JAG2: variants seen among roughly 807,000 people sequenced by gnomAD.
JAG2 encodes jagged canonical Notch ligand 2.
A neutral mutation model predicts 141.7 loss-of-function variants in JAG2; 46 were observed. The ratio of observed to expected loss-of-function variants is 0.32; its 90% CI spans 0.26 to 0.42. The LOEUF (loss-of-function observed/expected upper bound fraction) is 0.42. JAG2 is among the 10% of genes least tolerant of loss of function. JAG2 has a pLI of 1.00. For synonymous variants in JAG2, 862 were observed against 763.5 expected, an observed-to-expected ratio of 1.13 and a Z score of -2.13; for missense variants, 1,500 against 1,817.5, an observed-to-expected ratio of 0.83 and a Z score of 3.18.
In JAG2 at chr14:105,143,602, GGCT is replaced by G; in HGVS notation, c.3118_3120del (p.Ser1040del). 1 of 1,608,414 alleles carries G rather than the reference GGCT, an allele frequency of 6.2e-7. No homozygotes were observed. Among genetic ancestry groups the G allele is most frequent in the Non-Finnish European group, 8.5e-7 (1 of 1,179,616 alleles). On this transcript the variant is annotated inframe_deletion, in exon 25 of 26. Transcript: ENST00000331782. Reference sequence around the variant, plus strand: ...ATGGCGTGGGCCGCGCCCTGGATCAGGCTGCTGTCAGGCAGGTCCCTGGCAGGG... The same window carrying G: ...ATGGCGTGGGCCGCGCCCTGGATCAGGCTGTCAGGCAGGTCCCTGGCAGGG...
At position 105,145,949 on chromosome 14, in the gene JAG2, G is replaced by A; in HGVS notation, c.2734C>T (p.Leu912=). 3 of 1,589,364 alleles carry A rather than the reference G, an allele frequency of 1.9e-6. No individual in the cohort carries two copies. The highest frequency in any genetic ancestry group is 2.6e-6 in the Non-Finnish European group (3 of 1,169,654). The part of the protein sequence containing the change: ...SKVWCGWKPC[L]LAGQPEALSA... ...AGGGCCTCGGGCTGGCCGGCCAGCA[G>A]ACAAGGCTTCCATCCGCACCACACC... Residue 912 remains leucine (L), a synonymous_variant, in exon 23 of 26, where the codon CTG becomes TTG. Transcript: ENST00000331782.
chr14:105,150,560 C>A, intron 12 of JAG2, 44 bp downstream of exon 12: 1 of 1,526,320 alleles, frequency 6.6e-7, no homozygotes, highest in South Asian at 1.2e-5. Context: ...TGCCCTACAG[C>A]TCCCAGAGCA....
chr14:105,151,015 A>G lies in JAG2; in HGVS notation c.1357T>C (p.Trp453Arg). The change falls in exon 10 of 26, where the codon TGG becomes CGG. Residue 453 changes from tryptophan (W) to arginine (R), a missense_variant. Physicochemically the swap from Trp to Arg is moderately radical, Grantham distance 101. Coordinates refer to ENST00000331782, the MANE Select transcript of JAG2 (RefSeq NM_002226.5). Reference protein sequence around the residue: ...GGYYCDCIPGWKGINCHINVN... With the variant: ...GGYYCDCIPGRKGINCHINVN... ...CTGATATGGCAGTTGATGCCCTTCC[A>G]GCCCGGGATGCAATCACAGTAATAG... The G allele has an allele frequency of 6.2e-7, 1 of 1,612,742 alleles. No individual in the cohort carries two copies. Among genetic ancestry groups the G allele is most frequent in the Admixed American group, 1.7e-5 (1 of 60,000 alleles).
chr14:105,165,579 G>C (rs1888884457), intron 2 of JAG2, among the ~76,000 whole-genome samples: 1 of 152,222 alleles, frequency 6.6e-6, no homozygotes, highest in Admixed American at 6.5e-5. Context: ...ATGACTAATA[G>C]CACACAGACC....
intron 7 of JAG2, 41 bp downstream of exon 7, chr14:105,151,897 C>T (rs1219495693): frequency 6.2e-7 from 1 of 1,612,192 alleles, no homozygotes; most frequent in African/African-American, 1.3e-5. Flanking sequence ...GGGAACCAGT[C>T]CCTGCCTGGC....
intron 3 of JAG2, among the ~76,000 whole-genome samples, 193 bp from the exon 4 acceptor site, chr14:105,156,182 C>T (rs1029399162): frequency 7.6e-6 from 1 of 130,972 alleles, no homozygotes; most frequent in Non-Finnish European, 1.7e-5. Context: ...CTCTCCCTCC[C>T]GCCACCAAGC....
chr14:105,145,845 C>G lies in JAG2; in HGVS notation c.2838G>C (p.Trp946Cys). 1.3e-6 allele frequency: 2 copies of G among 1,562,004 alleles called. No individual in the cohort carries two copies. Among genetic ancestry groups the G allele is most frequent in the Non-Finnish European group, 8.7e-7 (1 of 1,153,844 alleles). ...GTGGCTCTTCTGCGCCGCACTCCCC[C>G]CAGGCCTCACAGGGTGGTCGCAGAC... ...GQCLRPPCEA[W>C]GECGAEEPPS... is the part of the protein sequence containing the mutation. Residue 946 changes from tryptophan (W) to cysteine (C), a missense_variant, in exon 23 of 26, where the codon TGG becomes TGC. This residue lies in a region of JAG2 where 425 missense variants were observed against 441.0 expected (regional missense o/e 0.96). Coordinates refer to ENST00000331782, the MANE Select transcript of JAG2 (RefSeq NM_002226.5).
rs1283659607 is a variant in JAG2 at position 105,143,576 on chromosome 14, G to A, written c.3147C>T (p.Ile1049=). 7.5e-6 allele frequency: 12 copies of A among 1,605,024 alleles called. No individual in the cohort carries two copies. The highest frequency in any genetic ancestry group is 2.7e-5 in the African/African-American group (2 of 74,924). ...SSLIQGAAHA[I]VAAITQRGNS... ...TCCCCCGCTGGGTGATGGCGGCCAC[G>A]ATGGCGTGGGCCGCGCCCTGGATCA... The change falls in exon 25 of 26, where the codon ATC becomes ATT. Residue 1049 remains isoleucine, a synonymous_variant. Coordinates refer to ENST00000331782, the MANE Select transcript of JAG2 (RefSeq NM_002226.5).
At chr14:105,158,463 C>T (rs1240354774) in intron 2 of JAG2, among the ~76,000 whole-genome samples, 3 of 152,126 alleles carry the variant, frequency 2.0e-5, no homozygotes, top group Admixed American at 6.5e-5. Context: ...CCACTATGCC[C>T]CCTCTGCCCC....
chr14:105,167,173 C>T lies in JAG2; in HGVS notation c.417+584G>A, dbSNP rs1888938869. 6.6e-6 allele frequency among the ~76,000 whole-genome samples: 1 copy of T among 152,228 alleles called. No individual in the cohort carries two copies. Among genetic ancestry groups the T allele is most frequent in the South Asian group, 2.1e-4 (1 of 4,832 alleles). The stretch of plus-strand genomic sequence containing the variant: ...AAAACCCACAAACAGGGCAGTGCCA[C>T]AGAAGGTCACTGCACCAGGATCCAC... On this transcript the variant is annotated intron_variant, in intron 2 of 25. Transcript: ENST00000331782. This position sits in a 1 kb window ranked among gnomAD's most constrained non-coding sequence, Gnocchi z 4.8.
chr14:105,148,022 C>T, intron 17 of JAG2, 94 bp downstream of exon 17: 2 of 1,205,232 alleles, frequency 1.7e-6, no homozygotes, highest in Non-Finnish European at 2.4e-6. Flanking sequence ...CAGGTGTGGC[C>T]CTCAAAAAAG....
chr14:105,168,446 C>CCCG lies in JAG2; in HGVS notation c.-29_-27dup, dbSNP rs1363998563. 2.4e-5 allele frequency: 17 copies of CCCG among 707,818 alleles called. No homozygotes were observed. The highest frequency in any genetic ancestry group is 1.2e-4 in the South Asian group (2 of 16,848). 43.8% of individuals were successfully genotyped at this position (707,818 alleles called of 1,614,324 possible). On this transcript the variant is annotated 5_prime_UTR_variant, in exon 1 of 26. Coordinates refer to ENST00000331782, the MANE Select transcript of JAG2 (RefSeq NM_002226.5). The stretch of plus-strand genomic sequence containing the variant: ...TGCCCCCGCGACCCGCCCGCCCGGC[C>CCCG]CCGCCGCCGCCGCCCGCGCCCGGCT...
intron 3 of JAG2, among the ~76,000 whole-genome samples, chr14:105,156,743 C>T (rs1398025022): frequency 6.6e-6 from 1 of 152,154 alleles, no homozygotes; most frequent in Non-Finnish European, 1.5e-5. Context: ...CTGTGCTGGC[C>T]CACTCCCCAA....
At position 105,142,882 on chromosome 14, in the gene JAG2, T is replaced by G; in HGVS notation, c.3530A>C (p.Asp1177Ala). 6.2e-7 allele frequency: 1 copy of G among 1,604,888 alleles called. No individual in the cohort carries two copies. The highest frequency in any genetic ancestry group is 8.5e-7 in the Non-Finnish European group (1 of 1,176,046). The change falls in exon 26 of 26, where the codon GAT (aspartate) becomes GCT (alanine). Residue 1177 changes from aspartate (D) to alanine (A), a missense_variant. This residue lies in a region of JAG2 where 425 missense variants were observed against 441.0 expected (regional missense o/e 0.96). Coordinates refer to ENST00000331782, the MANE Select transcript of JAG2 (RefSeq NM_002226.5). ...GCGGCCCAGATCCTCGTCCTCCTCA[T>G]CCTCCCTGACGGCCGCGTGGCCGGC... ...GPAGHAAVRE[D>A]EEDEDLGRGE...
At position 105,149,291 on chromosome 14, in the gene JAG2, G is replaced by A. The variant is rs752770547; in HGVS notation, c.1632C>T (p.Pro544=). 1.2e-6 allele frequency: 2 copies of A among 1,612,694 alleles called. No individual in the cohort carries two copies. Among genetic ancestry groups the A allele is most frequent in the South Asian group, 2.2e-5 (2 of 91,090 alleles). ...TATAGCAGCGAGCGCCGTTCCGGCA[G>A]GGGCTTGGCTCACAAAGGTCGACAT... ...EVDVDLCEPS[P]CRNGARCYNL... The change falls in exon 13 of 26, where the codon CCC becomes CCT. Residue 544 remains proline, a synonymous_variant. Transcript: ENST00000331782.
chr14:105,149,129 G>GCCCCCCCCCCCCCCCCCCCC, intron 13 of JAG2, 40 bp from the exon 14 acceptor site: 1 of 1,551,906 alleles, frequency 6.4e-7, no homozygotes. Context: ...GCCCGCCCCT[G>GCCCCCCCCCCCCCCCCCCCC]CCCCACCACC....
Position 105,141,198 on chromosome 14 carries a change from G to C in JAG2, c.*1497C>G, listed in dbSNP as rs943734478. 1 of 151,964 alleles carries C rather than the reference G, an allele frequency of 6.6e-6. No individual in the cohort carries two copies. The highest frequency in any genetic ancestry group is 1.5e-5 in the Non-Finnish European group (1 of 67,998). 9.4% of individuals were successfully genotyped at this position (151,964 alleles called of 1,614,324 possible). A position where few individuals can be genotyped will look rare whatever the true frequency, so the allele number is the denominator to read the frequency against. Reference sequence around the variant, plus strand: ...GCGGCTCGGAGTCAGCCTTGGAGTCGGCCTTCCATGCCCAGCCCTGAGGCC... The same window carrying C: ...GCGGCTCGGAGTCAGCCTTGGAGTCCGCCTTCCATGCCCAGCCCTGAGGCC... On this transcript the variant is annotated 3_prime_UTR_variant, in exon 26 of 26. Transcript: ENST00000331782.
chr14:105,143,451 G>A, intron 25 of JAG2, 31 bp downstream of exon 25: 1 of 1,540,234 alleles, frequency 6.5e-7, no homozygotes, highest in Non-Finnish European at 8.7e-7. Flanking sequence ...CCTGCCTGGT[G>A]CCTTCCCAGG....
At chr14:105,147,178 CAT>C (rs750080901) in intron 20 of JAG2, 146 bp downstream of exon 20, 31 of 705,144 alleles carry the variant, frequency 4.4e-5, no homozygotes, top group Admixed American at 1.8e-4. Flanking sequence ...AGGGCACAGA[CAT>C]GTGGGGAAAC....
Sources: gnomAD v4.1 joint callset for allele counts (sites outside exome capture counted in the v4.1 genomes callset) on GRCh38, gnomAD v4.1.1 for gene constraint, gnomAD v4.1.1 regional missense constraint, Gnocchi (gnomAD v3.1) non-coding constraint, MANE v1.5 for transcripts, NCBI Gene and HGNC (gene_info 2026-07-23, HGNC 2026-07-21) for gene names.